The following VPS51 variants were observed in gnomAD, a reference collection of about 807,000 sequenced individuals.
VPS51 encodes VPS51 subunit of GARP complex.
Under a neutral mutation model 65.1 loss-of-function variants are expected in VPS51, and 55 were observed. That is an observed-to-expected ratio of 0.84 (90% confidence interval 0.68 to 1.06). The LOEUF (loss-of-function observed/expected upper bound fraction) is 1.06, where lower values mean the gene tolerates loss of function less well. Among genes scored for constraint, VPS51 ranks in the 50% least tolerant of loss-of-function variants. The pLI, the probability that VPS51 is intolerant of heterozygous loss-of-function variation, is 0.00. For missense variants in VPS51, 943 were observed against 1,101.6 expected, an observed-to-expected ratio of 0.86 and a Z score of 2.04; for synonymous variants, 473 against 489.5, an observed-to-expected ratio of 0.97 and a Z score of 0.44.
At position 65,107,783 on chromosome 11, in the gene VPS51, C is replaced by A. The variant is rs571768862; in HGVS notation, c.506-20C>A. The A allele has an allele frequency of 1.9e-6, 3 of 1,598,816 alleles. No homozygotes were observed. Among genetic ancestry groups the A allele is most frequent in the South Asian group, 2.2e-5 (2 of 89,834 alleles). On this transcript the variant is annotated intron_variant, in intron 3 of 9. Coordinates refer to ENST00000279281, the MANE Select transcript of VPS51 (RefSeq NM_013265.4). This position sits in a 1 kb window ranked among gnomAD's most constrained non-coding sequence, Gnocchi z 4.0. ...GCCTTTCCTGGGGCTCTGGGGCTAA[C>A]GTCACCCTCCGTCCCCCAGGGGTCC...
chr11:65,102,243 G>C (rs1590810825), intron 2 of VPS51, among the ~76,000 whole-genome samples: 1 of 152,230 alleles, frequency 6.6e-6, no homozygotes, highest in Non-Finnish European at 1.5e-5. Flanking sequence ...GTGACCTCAG[G>C]TGATCCACCT....
chr11:65,106,493 T>C (rs926471756), intron 2 of VPS51, among the ~76,000 whole-genome samples: 3 of 152,188 alleles, frequency 2.0e-5, no homozygotes, highest in Non-Finnish European at 4.4e-5. Flanking sequence ...GGCTCATGCC[T>C]GTAATCCCAG....
In VPS51 at chr11:65,107,179, T is replaced by G. The variant is rs1947847698; in HGVS notation, c.359-402T>G. 2.1e-6 allele frequency: 1 copy of G among 470,448 alleles called. No individual in the cohort carries two copies. The highest frequency in any genetic ancestry group is 2.0e-5 in the African/African-American group (1 of 50,634). The allele number at this position is 470,448 out of a possible 1,614,324, so 29.1% of individuals were successfully genotyped here. On this transcript the variant is annotated intron_variant, in intron 2 of 9. Transcript: ENST00000279281. This position sits in a 1 kb window ranked among gnomAD's most constrained non-coding sequence, Gnocchi z 4.0. The stretch of plus-strand genomic sequence containing the variant: ...TGAGGGTCAACAAGAATGTATTGCC[T>G]CATCCAGGCAGTGCGCTGGACACGC...
At chr11:65,110,406 A>G in intron 7 of VPS51, 76 bp from the exon 8 acceptor site, 2 of 1,607,626 alleles carry the variant, frequency 1.2e-6, no homozygotes, top group South Asian at 1.1e-5. Context: ...TAGCTGACTT[A>G]GGGCATCCTC....
chr11:65,108,430 C>T lies in VPS51; in HGVS notation c.959C>T (p.Ala320Val), dbSNP rs748044385. 3.4e-5 allele frequency: 54 copies of T among 1,611,688 alleles called. No individual in the cohort carries two copies. Among genetic ancestry groups the T allele is most frequent in the Non-Finnish European group, 4.6e-5 (54 of 1,179,634 alleles). The change falls in exon 5 of 10, where the codon GCG becomes GTG. Residue 320 changes from alanine to valine, a missense_variant. This residue lies in a region of VPS51 where 855 missense variants were observed against 953.7 expected (regional missense o/e 0.90). Transcript: ENST00000279281. Reference sequence around the variant, plus strand: ...GTGGGCGGCCTCTGCCAGGTGGCGGCGGCCTACCAGGAGCTGTTTGCGGCC... The same window carrying T: ...GTGGGCGGCCTCTGCCAGGTGGCGGTGGCCTACCAGGAGCTGTTTGCGGCC... ...GFVGGLCQVA[A>V]AYQELFAAQG... is the part of the protein sequence containing the mutation.
Position 65,111,520 on chromosome 11 carries a change from C to G in VPS51, c.2282C>G (p.Ala761Gly). ...LLLDEVVASAALRCPDPVPME... is the reference protein window; with the variant it reads ...LLLDEVVASAGLRCPDPVPME... ...CTGGACGAAGTGGTGGCCTCTGCTG[C>G]CCTGCGCTGCCCAGACCCTGTGCCC... Residue 761 changes from alanine to glycine, a missense_variant, in exon 10 of 10, where the codon GCC becomes GGC. Coordinates refer to ENST00000279281, the MANE Select transcript of VPS51 (RefSeq NM_013265.4). 1.2e-6 allele frequency: 2 copies of G among 1,613,246 alleles called. No individual in the cohort carries two copies. The highest frequency in any genetic ancestry group is 1.7e-6 in the Non-Finnish European group (2 of 1,180,032).
intron 2 of VPS51, among the ~76,000 whole-genome samples, chr11:65,102,262 C>A (rs1947814652): frequency 6.6e-6 from 1 of 152,200 alleles, no homozygotes; most frequent in Non-Finnish European, 1.5e-5. Flanking sequence ...CTGCCTTGGC[C>A]TCCCAAAGTG....
At chr11:65,111,254 C>G in intron 9 of VPS51, 73 bp from the exon 10 acceptor site, 1 of 1,593,268 alleles carries the variant, frequency 6.3e-7, no homozygotes, top group Admixed American at 1.7e-5. Context: ...CTCCCGGGCC[C>G]CTGCTTGGAA....
At position 65,109,939 on chromosome 11, in the gene VPS51, G is replaced by T. The variant is rs1338131681; in HGVS notation, c.1878+16G>T. ...CGACGTGCAGGTGCTGCCCAGGCTG[G>T]CCGGGGTAGCCCTGACGCAGGCTGG... On this transcript the variant is annotated intron_variant, in intron 7 of 9. Transcript: ENST00000279281. The T allele has an allele frequency of 1.9e-6, 3 of 1,576,850 alleles. No individual in the cohort carries two copies. The South Asian group carries it at 3.5e-5, about 18-fold the overall frequency.
chr11:65,100,336 A>G (rs1160936698), intron 2 of VPS51, among the ~76,000 whole-genome samples: 1 of 152,194 alleles, frequency 6.6e-6, no homozygotes, highest in African/African-American at 2.4e-5. Flanking sequence ...TATGCTCAGC[A>G]TCATTAGGTC....
intron 9 of VPS51, 188 bp from the exon 10 acceptor site, chr11:65,111,139 C>T (rs1413269649): frequency 5.5e-6 from 5 of 906,340 alleles, no homozygotes; most frequent in Non-Finnish European, 8.7e-6. Flanking sequence ...TTGCTGGGCC[C>T]TACCTGTCCC....
Position 65,109,460 on chromosome 11 carries a change from A to T in VPS51, c.1624A>T (p.Ile542Phe). Residue 542 changes from isoleucine (I) to phenylalanine (F), a missense_variant, in exon 6 of 10, where the codon ATC (isoleucine) becomes TTC (phenylalanine). Physicochemically the swap from Ile to Phe is conservative, Grantham distance 21. Coordinates refer to ENST00000279281, the MANE Select transcript of VPS51 (RefSeq NM_013265.4). ...CTACGAGACGGCCACCATCTCCTAC[A>T]TCCTCACTCTCACTGATGAACAGTT... is the stretch of plus-strand genomic sequence containing the variant. The part of the protein sequence containing the change: ...LDYETATISY[I>F]LTLTDEQFLV... 1 of 1,607,832 alleles carries T rather than the reference A, an allele frequency of 6.2e-7. No individual in the cohort carries two copies.
chr11:65,107,462 C>T lies in VPS51; in HGVS notation c.359-119C>T, dbSNP rs1565313678. ...GCCCTCGCAGTCCTTTCTCTGGAAT[C>T]ATCCATGCGCCCCTGGAGCAAGCTG... is the stretch of plus-strand genomic sequence containing the variant. On this transcript the variant is annotated intron_variant, in intron 2 of 9. Transcript: ENST00000279281. The surrounding 1 kb of genome is among the most constrained non-coding windows in gnomAD (Gnocchi z 4.0). 1.6e-6 allele frequency: 2 copies of T among 1,257,718 alleles called. No homozygotes were observed. The highest frequency in any genetic ancestry group is 2.2e-6 in the Non-Finnish European group (2 of 911,376). 77.9% of individuals were successfully genotyped at this position (1,257,718 alleles called of 1,614,324 possible).
chr11:65,096,633 G>A lies in VPS51; in HGVS notation c.228+155G>A, dbSNP rs548681006. Reference sequence around the variant, plus strand: ...GAACCTCGGCCAGGGAGTACGAGCAGCTGAGGCGTCTGAGGGGATGTGAGT... The same window carrying A: ...GAACCTCGGCCAGGGAGTACGAGCAACTGAGGCGTCTGAGGGGATGTGAGT... On this transcript the variant is annotated intron_variant, in intron 1 of 9. Transcript: ENST00000279281. 1.3e-5 allele frequency: 9 copies of A among 697,268 alleles called. No individual in the cohort carries two copies. The Admixed American group carries it at 2.2e-4, about 17-fold the overall frequency. The allele number at this position is 697,268 out of a possible 1,614,324, so 43.2% of individuals were successfully genotyped here.
In VPS51 at chr11:65,111,599, G is replaced by T. The variant is rs777265808; in HGVS notation, c.*12G>T. The T allele has an allele frequency of 2.4e-5, 38 of 1,596,148 alleles. No individual in the cohort carries two copies. The highest frequency in any genetic ancestry group is 5.0e-5 in the Admixed American group (3 of 59,530). On this transcript the variant is annotated 3_prime_UTR_variant, in exon 10 of 10. Coordinates refer to ENST00000279281, the MANE Select transcript of VPS51 (RefSeq NM_013265.4). The stretch of plus-strand genomic sequence containing the variant: ...GCGAGCGCGGCTAGGCGCAGCCGCT[G>T]CCATGCACCGGTCTGTCCCTGCACC...
In VPS51 at chr11:65,108,556, G is replaced by A; in HGVS notation, c.1085G>A (p.Gly362Asp). The change falls in exon 5 of 10, where the codon GGT (glycine) becomes GAT (aspartate). Residue 362 changes from glycine to aspartate, a missense_variant. Physicochemically the swap from Gly to Asp is moderately conservative, Grantham distance 94. Coordinates refer to ENST00000279281, the MANE Select transcript of VPS51 (RefSeq NM_013265.4). ...CGGCGGCTGGCGCAGGAGCAGGGTG[G>A]TGGTGACAACTCACTGCTGGTGCGG... Reference protein sequence around the residue: ...VERRLAQEQGGGDNSLLVRAL... With the variant: ...VERRLAQEQGDGDNSLLVRAL... 1.9e-6 allele frequency: 3 copies of A among 1,567,376 alleles called. No individual in the cohort carries two copies. Among genetic ancestry groups the A allele is most frequent in the Non-Finnish European group, 2.6e-6 (3 of 1,163,784 alleles).
rs747793193 is a variant in VPS51 at position 65,109,722 on chromosome 11, G to A, written c.1677G>A (p.Thr559=). 3.7e-5 allele frequency: 59 copies of A among 1,575,676 alleles called. No individual in the cohort carries two copies. The East Asian group carries it at 8.6e-4, about 23-fold the overall frequency. Residue 559 remains threonine, a synonymous_variant, in exon 7 of 10, where the codon ACG becomes ACA. Coordinates refer to ENST00000279281, the MANE Select transcript of VPS51 (RefSeq NM_013265.4). ...QFLVQDQFPV[T]PVSTLCAEAR... is the part of the protein sequence containing the mutation. Reference sequence around the variant, plus strand: ...TGGCTCAGGATCAGTTCCCAGTGACGCCCGTGAGCACGCTGTGTGCAGAGG... The same window carrying A: ...TGGCTCAGGATCAGTTCCCAGTGACACCCGTGAGCACGCTGTGTGCAGAGG...
Position 65,111,624 on chromosome 11 carries a change from C to T in VPS51, c.*37C>T, listed in dbSNP as rs1590815162. ...GCCATGCACCGGTCTGTCCCTGCAC[C>T]CCATGGCACCCAGGATCTGGTCTCG... On this transcript the variant is annotated 3_prime_UTR_variant, in exon 10 of 10. Coordinates refer to ENST00000279281, the MANE Select transcript of VPS51 (RefSeq NM_013265.4). The T allele has an allele frequency of 4.5e-6, 7 of 1,566,062 alleles. No individual in the cohort carries two copies. Among genetic ancestry groups the T allele is most frequent in the Middle Eastern group, 3.5e-4 (2 of 5,704 alleles).
intron 2 of VPS51, among the ~76,000 whole-genome samples, chr11:65,102,866 G>T (rs1947818168): frequency 6.6e-6 from 1 of 152,192 alleles, no homozygotes; most frequent in South Asian, 2.1e-4. Context: ...TTCTTGCCAG[G>T]CACAGTGGCT....
Sources: allele counts gnomAD v4.1 joint callset (sites outside exome capture counted in the v4.1 genomes callset), GRCh38; gene constraint gnomAD v4.1.1; regional missense constraint gnomAD v4.1.1; non-coding constraint Gnocchi (gnomAD v3.1); transcripts MANE v1.5; gene names NCBI Gene and HGNC (gene_info 2026-07-23, HGNC 2026-07-21).